The following PDE8B variants were observed in gnomAD, a reference collection of about 807,000 sequenced individuals.
The protein encoded by PDE8B is phosphodiesterase 8B.
A neutral mutation model predicts 101.3 loss-of-function variants in PDE8B; 26 were observed. The ratio of observed to expected loss-of-function variants is 0.26; its 90% CI spans 0.19 to 0.36. The LOEUF is 0.36. Among genes scored for constraint, PDE8B ranks in the 10% least tolerant of loss-of-function variants. The probability of loss-of-function intolerance (pLI) is 1.00; values close to 1 mark genes in which losing one functional copy is unlikely to be tolerated. For synonymous variants in PDE8B, 424 were observed against 429.3 expected, an observed-to-expected ratio of 0.99 and a Z score of 0.15; for missense variants, 810 against 1,163.1, an observed-to-expected ratio of 0.70 and a Z score of 4.42.
At chr5:77,355,406 A>T (rs1035188402) in intron 10 of PDE8B, among the ~76,000 whole-genome samples, 3 of 152,198 alleles carry the variant, frequency 2.0e-5, no homozygotes, top group African/African-American at 7.2e-5. Context: ...GGCTGCAGCG[A>T]ATGGCAATGG....
At chr5:77,296,975 T>C (rs368056092) in intron 1 of PDE8B, among the ~76,000 whole-genome samples, 7 of 152,214 alleles carry the variant, frequency 4.6e-5, no homozygotes, top group African/African-American at 1.7e-4. Flanking sequence ...TCACTCTCCC[T>C]GAGCTTCATA....
the PDE8B span, among the ~76,000 whole-genome samples, chr5:77,126,630 G>C: frequency 6.6e-6 from 1 of 152,114 alleles, no homozygotes; most frequent in African/African-American, 2.4e-5. Flanking sequence ...ATGTTACCTA[G>C]GTGGTATTGA....
chr5:77,249,532 G>A (rs764457227), intron 1 of PDE8B, among the ~76,000 whole-genome samples: 8 of 152,292 alleles, frequency 5.3e-5, no homozygotes, highest in Non-Finnish European at 1.0e-4. Flanking sequence ...TCAAAATAAG[G>A]CACTGTAACC....
intron 10 of PDE8B, among the ~76,000 whole-genome samples, chr5:77,391,959 T>C (rs992012452): frequency 2.0e-5 from 3 of 152,168 alleles, no homozygotes; most frequent in African/African-American, 4.8e-5. Flanking sequence ...TATAAAAAAT[T>C]CACACTATAT....
the PDE8B span, among the ~76,000 whole-genome samples, chr5:77,143,169 T>A: frequency 6.6e-6 from 1 of 152,210 alleles, no homozygotes; most frequent in Non-Finnish European, 1.5e-5. Flanking sequence ...GGCTCCCTGA[T>A]GAGAAACTGG....
chr5:77,370,765 A>T (rs1484646825), intron 10 of PDE8B, among the ~76,000 whole-genome samples: 1 of 152,254 alleles, frequency 6.6e-6, no homozygotes, highest in Non-Finnish European at 1.5e-5. Context: ...AGCATTTGAC[A>T]TCGCCAAGAA....
At chr5:77,098,379 G>A in the PDE8B span, among the ~76,000 whole-genome samples, 211 of 151,572 alleles carry the variant, frequency 1.4e-3, 1 homozygote, top group Middle Eastern at 0.024. Context: ...AAACTCCTGC[G>A]TGCCAGTGAT....
chr5:77,094,180 T>G, the PDE8B span, among the ~76,000 whole-genome samples: 2 of 152,278 alleles, frequency 1.3e-5, no homozygotes, highest in South Asian at 4.1e-4. Flanking sequence ...TTTCTCAACA[T>G]AAACTCCATT....
At chr5:77,266,745 A>G (rs1042253495) in intron 1 of PDE8B, among the ~76,000 whole-genome samples, 1 of 152,174 alleles carries the variant, frequency 6.6e-6, no homozygotes, top group African/African-American at 2.4e-5. Flanking sequence ...ATAAAACATA[A>G]CTACCTTGCA....
intron 10 of PDE8B, among the ~76,000 whole-genome samples, chr5:77,363,986 G>T (rs1320221776): frequency 6.6e-6 from 1 of 152,196 alleles, no homozygotes; most frequent in Non-Finnish European, 1.5e-5. Flanking sequence ...ATCATGTCAT[G>T]TGGATGGGCC....
chr5:77,290,948 A>G (rs537048320), intron 1 of PDE8B: 1 of 1,611,056 alleles, frequency 6.2e-7, no homozygotes, highest in Non-Finnish European at 8.5e-7. Context: ...GTGGTGGAGC[A>G]GATACCGGCA....
At chr5:77,216,370 A>G (rs540229432) in intron 1 of PDE8B, among the ~76,000 whole-genome samples, 29 of 152,326 alleles carry the variant, frequency 1.9e-4, no homozygotes, top group African/African-American at 5.5e-4. Flanking sequence ...AGGCCTCACA[A>G]TCATGGCCAA....
At chr5:77,354,475 G>GA (rs1257333019) in intron 10 of PDE8B, among the ~76,000 whole-genome samples, 2 of 151,654 alleles carry the variant, frequency 1.3e-5, no homozygotes, top group Non-Finnish European at 2.9e-5. Flanking sequence ...CTTTCATAGG[G>GA]AAAAAAAAGG....
At chr5:77,156,200 T>C in the PDE8B span, among the ~76,000 whole-genome samples, 1 of 152,180 alleles carries the variant, frequency 6.6e-6, no homozygotes, top group South Asian at 2.1e-4. Context: ...ATTTTGAGAT[T>C]CAGGGGAATT....
Position 77,232,287 on chromosome 5 carries a change from C to T in PDE8B, c.339+21023C>T, listed in dbSNP as rs556568224. Among the ~76,000 whole-genome samples the T allele has an allele frequency of 7.2e-5, 11 of 152,334 alleles. No individual in the cohort carries two copies. In the South Asian group the frequency reaches 1.2e-3, roughly 17 times the overall value. On this transcript the variant is annotated intron_variant, in intron 1 of 21. Transcript: ENST00000264917. The stretch of plus-strand genomic sequence containing the variant: ...TGAAGTCTCTTAAACTTTGTACATT[C>T]TCCTTATTTTCCCAATATATTAGTG...
At chr5:77,215,002 C>A (rs747859834) in intron 1 of PDE8B, among the ~76,000 whole-genome samples, 1 of 152,172 alleles carries the variant, frequency 6.6e-6, no homozygotes, top group African/African-American at 2.4e-5. Flanking sequence ...ACCACACTGT[C>A]TTTATCTGGG....
intron 10 of PDE8B, among the ~76,000 whole-genome samples, chr5:77,375,437 G>C (rs1055656414): frequency 1.3e-5 from 2 of 152,170 alleles, no homozygotes; most frequent in African/African-American, 4.8e-5. Flanking sequence ...ATGAATTTCA[G>C]CTATGTTTTG....
At chr5:77,112,265 A>G in the PDE8B span, 1 of 152,212 alleles carries the variant, frequency 6.6e-6, no homozygotes, top group Non-Finnish European at 1.5e-5. Flanking sequence ...GGTACATAAT[A>G]GTTGATCCAA....
At chr5:77,277,558 T>C (rs772300215) in intron 1 of PDE8B, among the ~76,000 whole-genome samples, 1 of 152,234 alleles carries the variant, frequency 6.6e-6, no homozygotes, top group Non-Finnish European at 1.5e-5. Flanking sequence ...ATTCTCTGCT[T>C]CACATCAAAA....
Sources: gnomAD v4.1 joint callset for allele counts (sites outside exome capture counted in the v4.1 genomes callset) on GRCh38, gnomAD v4.1.1 for gene constraint, MANE v1.5 for transcripts, NCBI Gene and HGNC (gene_info 2026-07-23, HGNC 2026-07-21) for gene names.